The following ABCA1 variants were observed in gnomAD, a reference collection of about 807,000 sequenced individuals.
ABCA1 encodes the protein phospholipid-transporting ATPase ABCA1.
Under a neutral mutation model 262.5 loss-of-function variants are expected in ABCA1, and 133 were observed. The ratio of observed to expected loss-of-function variants is 0.51; its 90% confidence interval spans 0.44 to 0.59. The LOEUF is 0.59. Ranked by LOEUF, ABCA1 falls within the 20% of genes least tolerant of loss-of-function variation. The pLI is 0.00. For missense variants in ABCA1, 2,452 were observed against 2,777.5 expected (o/e 0.88, Z 2.63); for synonymous variants, 1,022 against 1,043.5 (o/e 0.98, Z 0.40).
chr9:104,797,745 A>G (rs1302798755), intron 37 of ABCA1, among the ~76,000 whole-genome samples: 1 of 152,218 alleles, frequency 6.6e-6, no homozygotes, highest in African/African-American at 2.4e-5. Flanking sequence ...ATATCATCTT[A>G]TCTGGGTAAT....
At chr9:104,882,080 A>T (rs1170045998) in intron 5 of ABCA1, among the ~76,000 whole-genome samples, 2 of 148,652 alleles carry the variant, frequency 1.3e-5, no homozygotes, top group Non-Finnish European at 3.0e-5. Flanking sequence ...TCTGGTTTAA[A>T]CTCTAGAACT....
intron 6 of ABCA1, among the ~76,000 whole-genome samples, chr9:104,860,430 C>T (rs1236705976): frequency 2.0e-5 from 3 of 152,114 alleles, no homozygotes; most frequent in Non-Finnish European, 4.4e-5. Context: ...CAGAAGGGCA[C>T]GCAGTAAGCA....
At position 104,793,248 on chromosome 9, in the gene ABCA1, G is replaced by A; in HGVS notation, c.5559C>T (p.Leu1853=). 3 of 1,614,138 alleles carry A rather than the reference G, an allele frequency of 1.9e-6. No homozygotes were observed. The highest frequency in any genetic ancestry group is 1.3e-5 in the African/African-American group (1 of 75,046). The change falls in exon 41 of 50, where the codon CTC becomes CTT. Residue 1853 remains leucine, a synonymous_variant. Transcript: ENST00000374736. The part of the protein sequence containing the change: ...PLSWDLVGRN[L]FAMAVEGVVF... ...CCACCCCTTCCACGGCCATGGCGAAGAGGTTTCGTCCCACCAAGTCCCAAG... is the reference window on the plus strand; with the variant it reads ...CCACCCCTTCCACGGCCATGGCGAAAAGGTTTCGTCCCACCAAGTCCCAAG...
Position 104,831,108 on chromosome 9 carries a change from C to T in ABCA1, c.1716-7G>A. 1 of 1,584,092 alleles carries T rather than the reference C, an allele frequency of 6.3e-7. No homozygotes were observed. Among genetic ancestry groups the T allele is most frequent in the Non-Finnish European group, 8.6e-7 (1 of 1,166,044 alleles). ...AGGACCAGGGTCCCAGTACCTAAAA[C>T]CAAACCACAGGTAATCAACCATTCC... is the stretch of plus-strand genomic sequence containing the variant. On this transcript the variant is annotated splice_region_variant and splice_polypyrimidine_tract_variant and intron_variant, in intron 13 of 49. Transcript: ENST00000374736.
chr9:104,826,873 T>C (rs1832853537), intron 16 of ABCA1, 75 bp downstream of exon 16: 1 of 1,366,792 alleles, frequency 7.3e-7, no homozygotes, highest in Non-Finnish European at 1.0e-6. Flanking sequence ...TGTTCTCAAC[T>C]TGCTGCTTTT....
Position 104,840,531 on chromosome 9 carries a change from G to A in ABCA1, c.814-12C>T. 1 of 1,607,070 alleles carries A rather than the reference G, an allele frequency of 6.2e-7. No individual in the cohort carries two copies. The highest frequency in any genetic ancestry group is 8.5e-7 in the Non-Finnish European group (1 of 1,177,224). On this transcript the variant is annotated splice_polypyrimidine_tract_variant and intron_variant, in intron 8 of 49. Coordinates refer to ENST00000374736, the MANE Select transcript of ABCA1 (RefSeq NM_005502.4). ...CTCATGCTGAACAGCTGGCGTCAGG[G>A]ATGGGGACAGAAAGGAGGGTAGGGG...
chr9:104,924,542 G>A (rs10820747), intron 1 of ABCA1, among the ~76,000 whole-genome samples: 40,854 of 151,372 alleles, frequency 0.27, 5,832 homozygotes, highest in African/African-American at 0.36. Context: ...CCTGAGAGGC[G>A]GAAGTTGCAG....
rs963787445 is a variant in ABCA1, at chr9:104,817,821, C to T, written c.3463-417G>A. 5.3e-5 allele frequency among the ~76,000 whole-genome samples: 8 copies of T among 152,212 alleles called. No homozygotes were observed. The East Asian group carries it at 5.8e-4, about 11-fold the overall frequency. ...GTAGGTCTGAGCTGGGCCCAGGTTG[C>T]TGAATTTCTAACAAGTTCCCAAGTG... On this transcript the variant is annotated intron_variant, in intron 23 of 49. Coordinates refer to ENST00000374736, the MANE Select transcript of ABCA1 (RefSeq NM_005502.4). The surrounding 1 kb of genome is among the most constrained non-coding windows in gnomAD (Gnocchi z 4.7).
In ABCA1 at chr9:104,798,611, A is replaced by G; in HGVS notation, c.4944-13T>C. 1 of 1,612,926 alleles carries G rather than the reference A, an allele frequency of 6.2e-7. No homozygotes were observed. Among genetic ancestry groups the G allele is most frequent in the Non-Finnish European group, 8.5e-7 (1 of 1,179,450 alleles). On this transcript the variant is annotated splice_polypyrimidine_tract_variant and intron_variant, in intron 36 of 49. Coordinates refer to ENST00000374736, the MANE Select transcript of ABCA1 (RefSeq NM_005502.4). The stretch of plus-strand genomic sequence containing the variant: ...TGATGTGGTCATCCTGGAGAGAAAA[A>G]GCGTGTGAAAATCTGAGGGGTCTTT...
chr9:104,842,572 G>T (rs1834475769), intron 8 of ABCA1, among the ~76,000 whole-genome samples: 1 of 152,128 alleles, frequency 6.6e-6, no homozygotes, highest in Admixed American at 6.5e-5. Flanking sequence ...CTACACCTCA[G>T]CTCACACTCC....
At chr9:104,872,425 A>G (rs1322067475) in intron 5 of ABCA1, among the ~76,000 whole-genome samples, 1 of 152,202 alleles carries the variant, frequency 6.6e-6, no homozygotes, top group Non-Finnish European at 1.5e-5. Context: ...GCAACATGGC[A>G]GCATAGTGTG....
intron 1 of ABCA1, among the ~76,000 whole-genome samples, chr9:104,921,372 A>T (rs1842133319): frequency 6.6e-6 from 1 of 152,204 alleles, no homozygotes; most frequent in African/African-American, 2.4e-5. Flanking sequence ...ACTGTTTTTT[A>T]AAAAAGTGTT....
rs1390360904 is a variant in ABCA1 at position 104,809,407 on chromosome 9, T to C, written c.4274+59A>G. 15 of 1,498,394 alleles carry C rather than the reference T, an allele frequency of 1.0e-5. No individual in the cohort carries two copies. The Admixed American group carries it at 1.2e-4, about 12-fold the overall frequency. 92.8% of individuals were successfully genotyped at this position (1,498,394 alleles called of 1,614,324 possible). On this transcript the variant is annotated intron_variant, in intron 30 of 49. Coordinates refer to ENST00000374736, the MANE Select transcript of ABCA1 (RefSeq NM_005502.4). The stretch of plus-strand genomic sequence containing the variant: ...CATGCAGTTGATAAATGCAGCATAT[T>C]AGAAATCAAACCAGGCAACAAGCAC...
At position 104,816,357 on chromosome 9, in the gene ABCA1, A is replaced by G. The variant is rs753738294; in HGVS notation, c.3536-12T>C. ...GATAGCAGAGACATCTGCAGGGACC[A>G]GAATGCAAAGATGGCTCAATCAACT... On this transcript the variant is annotated splice_polypyrimidine_tract_variant and intron_variant, in intron 24 of 49. Transcript: ENST00000374736. The G allele has an allele frequency of 6.2e-7, 1 of 1,612,712 alleles. No homozygotes were observed. Among genetic ancestry groups the G allele is most frequent in the Non-Finnish European group, 8.5e-7 (1 of 1,179,650 alleles).
At chr9:104,896,814 T>C (rs923355892) in intron 2 of ABCA1, among the ~76,000 whole-genome samples, 3 of 137,380 alleles carry the variant, frequency 2.2e-5, no homozygotes, top group Non-Finnish European at 3.1e-5. Flanking sequence ...CACTGCAGCC[T>C]TGACCACCTG....
chr9:104,874,339 G>A (rs1000566271), intron 5 of ABCA1, among the ~76,000 whole-genome samples: 1 of 152,110 alleles, frequency 6.6e-6, no homozygotes, highest in African/African-American at 2.4e-5. Context: ...TGGCAAACAT[G>A]GTCAGGAGTT....
intron 49 of ABCA1, among the ~76,000 whole-genome samples, chr9:104,784,937 C>T (rs891067271): frequency 6.6e-5 from 10 of 152,170 alleles, no homozygotes; most frequent in African/African-American, 2.4e-4. Flanking sequence ...AGCCACCACG[C>T]CCGGCCAAAA....
intron 4 of ABCA1, 105 bp from the exon 5 acceptor site, chr9:104,883,262 G>A: frequency 2.0e-6 from 2 of 982,982 alleles, no homozygotes; most frequent in Non-Finnish European, 3.3e-6. Context: ...TGGCTCCCAG[G>A]TCCTCCACAG....
intron 1 of ABCA1, among the ~76,000 whole-genome samples, chr9:104,912,408 C>A (rs1293854437): frequency 6.6e-6 from 1 of 152,086 alleles, no homozygotes; most frequent in Non-Finnish European, 1.5e-5. Flanking sequence ...CAAAAATAAA[C>A]AAACAAATAA....
Sources: gnomAD v4.1 joint callset for allele counts (sites outside exome capture counted in the v4.1 genomes callset) on GRCh38, gnomAD v4.1.1 for gene constraint, Gnocchi (gnomAD v3.1) non-coding constraint, MANE v1.5 for transcripts, NCBI Gene and HGNC (gene_info 2026-07-23, HGNC 2026-07-21) for gene names.